Variants in FAM47E observed in about 807,000 individuals in gnomAD.
The protein encoded by FAM47E is protein FAM47E.
In FAM47E, 32 loss-of-function variants were observed where a neutral mutation model predicts 41.6. That is an observed-to-expected ratio of 0.77 (90% CI 0.58 to 1.03). FAM47E has a LOEUF of 1.03. Among genes scored for constraint, FAM47E ranks in the 50% least tolerant of loss-of-function variants. The pLI is 0.00. For missense variants in FAM47E, 424 were observed against 485.4 expected, an observed-to-expected ratio of 0.87 and a Z score of 1.19; for synonymous variants, 184 against 188.7, an observed-to-expected ratio of 0.98 and a Z score of 0.20.
intron 6 of FAM47E, chr4:76,279,668 A>C (rs974255958): frequency 1.3e-5 from 2 of 152,204 alleles, no homozygotes; most frequent in Non-Finnish European, 2.9e-5. Flanking sequence ...GTGGCACCCC[A>C]GTTTACAAGA....
At chr4:76,242,813 T>TA (rs1733739260) in intron 2 of FAM47E, among the ~76,000 whole-genome samples, 2 of 152,222 alleles carry the variant, frequency 1.3e-5, no homozygotes, top group African/African-American at 4.8e-5. Context: ...AAATAAGACA[T>TA]ATTATTATAA....
At chr4:76,251,847 G>A in intron 1 of FAM47E, 27 bp downstream of exon 1, 4 of 1,397,326 alleles carry the variant, frequency 2.9e-6, no homozygotes, top group Non-Finnish European at 3.7e-6. Context: ...CGGGCCGAGG[G>A]CGCATCCCAC....
intron 2 of FAM47E, among the ~76,000 whole-genome samples, chr4:76,238,507 G>T (rs1489324636): frequency 6.6e-6 from 1 of 152,162 alleles, no homozygotes; most frequent in Non-Finnish European, 1.5e-5. Context: ...ACTAGCAGTA[G>T]GCAGAATTCC....
At chr4:76,274,994 T>C (rs1735039893) in intron 5 of FAM47E, among the ~76,000 whole-genome samples, 1 of 152,244 alleles carries the variant, frequency 6.6e-6, no homozygotes, top group African/African-American at 2.4e-5. Context: ...GTGAGGCTTA[T>C]CTTGTTTGTC....
intron 2 of FAM47E, among the ~76,000 whole-genome samples, chr4:76,239,100 T>C (rs1733647359): frequency 6.6e-6 from 1 of 152,252 alleles, no homozygotes; most frequent in Admixed American, 6.5e-5. Context: ...TAATATGCCA[T>C]TGTATGTGTT....
chr4:76,268,630 A>C, intron 3 of FAM47E, 30 bp from the exon 4 acceptor site: 1 of 1,544,600 alleles, frequency 6.5e-7, no homozygotes, highest in Non-Finnish European at 8.7e-7. Flanking sequence ...TGTGTCTCAT[A>C]TTGTAATTCT....
chr4:76,245,060 C>T (rs1413686760), intron 2 of FAM47E, among the ~76,000 whole-genome samples: 1 of 152,116 alleles, frequency 6.6e-6, no homozygotes. Flanking sequence ...CCACTCATTT[C>T]ACAGAAATGG....
At chr4:76,227,087 T>C (rs1167960636) in intron 2 of FAM47E, among the ~76,000 whole-genome samples, 2 of 152,206 alleles carry the variant, frequency 1.3e-5, no homozygotes, top group African/African-American at 4.8e-5. Flanking sequence ...GGTTTGTTCT[T>C]GTTTCTCTAG....
chr4:76,236,748 T>C (rs926193456), intron 2 of FAM47E: 1 of 151,992 alleles, frequency 6.6e-6, no homozygotes, highest in Non-Finnish European at 1.5e-5. Flanking sequence ...TGGTTGACAA[T>C]TGGTTGAATT....
In FAM47E at chr4:76,251,775, C is replaced by G. The variant is rs1269651020; in HGVS notation, c.29C>G (p.Pro10Arg). 6.7e-6 allele frequency: 10 copies of G among 1,489,856 alleles called. No individual in the cohort carries two copies. Among genetic ancestry groups the G allele is most frequent in the East Asian group, 5.6e-5 (2 of 35,758 alleles). The allele number at this position is 1,489,856 out of a possible 1,614,324, so 92.3% of individuals were successfully genotyped here. ...GCGGACCGCAGGCGGCGGCTCCGGC[C>G]GGGGACGTTGGCCCCGGTGCGCGAG... is the stretch of plus-strand genomic sequence containing the variant. Reference protein sequence around the residue: MADRRRRLRPGTLAPVREGV... With the variant: MADRRRRLRRGTLAPVREGV... Residue 10 changes from proline (P) to arginine (R), a missense_variant, in exon 1 of 8, where the codon CCG becomes CGG. Pro to Arg is a moderately radical substitution (Grantham distance 103, BLOSUM62 -2). Transcript: ENST00000424749.
chr4:76,219,356 G>T (rs370179310), intron 2 of FAM47E, among the ~76,000 whole-genome samples: 9 of 152,274 alleles, frequency 5.9e-5, no homozygotes, highest in African/African-American at 2.2e-4. Flanking sequence ...ATATTCTGAC[G>T]TGAAATGTAT....
At chr4:76,277,238 A>G (rs1403460163) in intron 5 of FAM47E, among the ~76,000 whole-genome samples, 2 of 152,146 alleles carry the variant, frequency 1.3e-5, no homozygotes, top group African/African-American at 4.8e-5. Context: ...TAATCTTAGC[A>G]CTTTGGGAGG....
chr4:76,244,450 G>A (rs1432840251), intron 2 of FAM47E, among the ~76,000 whole-genome samples: 1 of 151,470 alleles, frequency 6.6e-6, no homozygotes. Flanking sequence ...GGCCTGAGAT[G>A]GTACCTCATT....
chr4:76,218,996 A>T (rs578238198), intron 2 of FAM47E, among the ~76,000 whole-genome samples: 6 of 152,336 alleles, frequency 3.9e-5, no homozygotes, highest in Admixed American at 1.3e-4. Flanking sequence ...ACAGAGATTG[A>T]CTAAGTAGTC....
intron 2 of FAM47E, among the ~76,000 whole-genome samples, chr4:76,218,794 G>C (rs1361196925): frequency 6.6e-6 from 1 of 152,158 alleles, no homozygotes; most frequent in Non-Finnish European, 1.5e-5. Flanking sequence ...TGGAGGGCGA[G>C]GAGTCAGGAG....
intron 6 of FAM47E, 137 bp from the exon 7 acceptor site, chr4:76,280,127 C>T (rs1735283996): frequency 8.5e-6 from 5 of 588,360 alleles, no homozygotes; most frequent in African/African-American, 1.9e-5. Context: ...ATGAACATTA[C>T]ACACATATTC....
At chr4:76,259,911 A>G (rs1560744388) in intron 2 of FAM47E, among the ~76,000 whole-genome samples, 2 of 152,224 alleles carry the variant, frequency 1.3e-5, no homozygotes, top group Non-Finnish European at 2.9e-5. Context: ...GTGTCTCTAT[A>G]CATTATCAAT....
At chr4:76,282,952 TC>T (rs959673407) in intron 7 of FAM47E, 3 of 155,942 alleles carry the variant, frequency 1.9e-5, no homozygotes, top group Admixed American at 6.3e-5. Flanking sequence ...GAACATTCAT[TC>T]TTTTTTTTAA....
At chr4:76,227,285 A>G (rs1025496542) in intron 2 of FAM47E, among the ~76,000 whole-genome samples, 1 of 152,194 alleles carries the variant, frequency 6.6e-6, no homozygotes, top group Non-Finnish European at 1.5e-5. Flanking sequence ...TGTTCCAAAG[A>G]TCATTTAATG....
Sources: allele counts gnomAD v4.1 joint callset (sites outside exome capture counted in the v4.1 genomes callset), GRCh38; gene constraint gnomAD v4.1.1; transcripts MANE v1.5; gene names NCBI Gene and HGNC (gene_info 2026-07-23, HGNC 2026-07-21).